Variants in MANSC1 observed in about 807,000 individuals in gnomAD.
MANSC1 encodes the protein MANSC domain containing 1, also known as MANSC domain-containing protein 1.
A neutral mutation model predicts 14.1 loss-of-function variants in MANSC1; 13 were observed. The ratio of observed to expected loss-of-function variants is 0.92; its 90% CI spans 0.60 to 1.46. MANSC1 has a LOEUF of 1.46. Among genes scored for constraint, MANSC1 ranks in the 40% most tolerant of loss-of-function variants. MANSC1 has a pLI of 0.00. For synonymous variants in MANSC1, 227 were observed against 200.7 expected (o/e 1.13, Z -1.11); for missense variants, 486 against 511.4 (o/e 0.95, Z 0.48).
rs370899713 is a variant in MANSC1 at position 12,335,343 on chromosome 12, T to C, written c.364+3077A>G. Among the ~76,000 whole-genome samples the C allele has an allele frequency of 1.2e-3, 181 of 151,526 alleles. No homozygotes were observed. The Middle Eastern group carries it at 0.027, about 23-fold the overall frequency. Reference sequence around the variant, plus strand: ...CGGTGAGCTTTGAGAAATCACCTTTTTTTTTTCTTCTCCCCGAGACAGAGT... The same window carrying C: ...CGGTGAGCTTTGAGAAATCACCTTTCTTTTTTCTTCTCCCCGAGACAGAGT... On this transcript the variant is annotated intron_variant, in intron 3 of 3. Transcript: ENST00000535902.
In MANSC1 at chr12:12,327,502, A is replaced by G. The variant is rs1280099121; in HGVS notation, c.*2525T>C. 6.6e-6 allele frequency: 1 copy of G among 152,240 alleles called. No individual in the cohort carries two copies. The highest frequency in any genetic ancestry group is 1.5e-5 in the Non-Finnish European group (1 of 68,058). The allele number at this position is 152,240 out of a possible 1,614,324, so 9.4% of individuals were successfully genotyped here. A position where few individuals can be genotyped will look rare whatever the true frequency, so the allele number is the denominator to read the frequency against. On this transcript the variant is annotated 3_prime_UTR_variant, in exon 4 of 4. Coordinates refer to ENST00000535902, the MANE Select transcript of MANSC1 (RefSeq NM_018050.4). ...GCTCCCATGTGGTCTCCCCATCACAACAAAGACTGCAGCAAGGTGGACAGA... is the reference window on the plus strand; with the variant it reads ...GCTCCCATGTGGTCTCCCCATCACAGCAAAGACTGCAGCAAGGTGGACAGA...
intron 2 of MANSC1, chr12:12,338,912 C>CACACACACACACACAG: frequency 3.5e-6 from 1 of 288,182 alleles, no homozygotes; most frequent in Non-Finnish European, 6.6e-6. Flanking sequence ...CACACACACA[C>CACACACACACACACAG]ACACACCCCT....
At chr12:12,336,224 ACT>A (rs1241166733) in intron 3 of MANSC1, among the ~76,000 whole-genome samples, 4 of 151,928 alleles carry the variant, frequency 2.6e-5, no homozygotes, top group African/African-American at 4.8e-5. Context: ...TTTGCATATC[ACT>A]CTCTGCGTAT....
intron 3 of MANSC1, among the ~76,000 whole-genome samples, chr12:12,337,581 C>G (rs956882727): frequency 1.3e-5 from 2 of 152,020 alleles, no homozygotes; most frequent in African/African-American, 4.8e-5. Flanking sequence ...AACAAACAAG[C>G]AACAACAACA....
At chr12:12,331,594 T>C (rs1490745119) in intron 3 of MANSC1, among the ~76,000 whole-genome samples, 4 of 151,916 alleles carry the variant, frequency 2.6e-5, no homozygotes, top group Non-Finnish European at 5.9e-5. Flanking sequence ...CAAGTAATCA[T>C]CAGGAGAGAT....
At chr12:12,340,035 C>T (rs767531444) in intron 2 of MANSC1, among the ~76,000 whole-genome samples, 3 of 152,088 alleles carry the variant, frequency 2.0e-5, no homozygotes, top group Non-Finnish European at 4.4e-5. Flanking sequence ...TGATCTTGAA[C>T]TCTTGGGCTC....
chr12:12,343,038 T>A, intron 2 of MANSC1, 54 bp downstream of exon 2: 1 of 1,273,962 alleles, frequency 7.8e-7, no homozygotes, highest in Non-Finnish European at 1.1e-6. Flanking sequence ...ATCCCCCAGC[T>A]CCTGAAGCCA....
At position 12,330,851 on chromosome 12, in the gene MANSC1, T is replaced by A; in HGVS notation, c.472A>T (p.Thr158Ser). 7.4e-6 allele frequency: 12 copies of A among 1,613,928 alleles called. No individual in the cohort carries two copies. The highest frequency in any genetic ancestry group is 1.0e-5 in the Non-Finnish European group (12 of 1,179,926). ...QAVTPLAHHH[T>S]DYSKPTDISW... ...ATATCGGTGGGCTTTGAATAATCTG[T>A]GTGATGATGGGCTAGGGGAGTGACT... Residue 158 changes from threonine to serine, a missense_variant, in exon 4 of 4, where the codon ACA (threonine) becomes TCA (serine). Transcript: ENST00000535902.
rs1592033137 is a variant in MANSC1, at chr12:12,338,481, G to A, written c.303C>T (p.Pro101=). The part of the protein sequence containing the change: ...RQPNCYLFFC[P]NEEACPLKPA... ...GTTTCAATGGACAGGCTTCCTCGTTGGGACAGAAAAATAGGTAGCAGTTGG... is the reference window on the plus strand; with the variant it reads ...GTTTCAATGGACAGGCTTCCTCGTTAGGACAGAAAAATAGGTAGCAGTTGG... Residue 101 remains proline (P), a synonymous_variant, in exon 3 of 4, where the codon CCC becomes CCT. Transcript: ENST00000535902. 6.2e-7 allele frequency: 1 copy of A among 1,613,174 alleles called. No individual in the cohort carries two copies. The highest frequency in any genetic ancestry group is 1.3e-5 in the African/African-American group (1 of 74,946).
At chr12:12,338,320 C>A in intron 3 of MANSC1, 100 bp downstream of exon 3, 1 of 1,051,606 alleles carries the variant, frequency 9.5e-7, no homozygotes, top group East Asian at 2.7e-5. Flanking sequence ...GTCTGGTACC[C>A]CTTCTGGTAG....
At position 12,330,567 on chromosome 12, in the gene MANSC1, A is replaced by G. The variant is rs2135987410; in HGVS notation, c.756T>C (p.Ala252=). Residue 252 remains alanine, a synonymous_variant, in exon 4 of 4, where the codon GCT becomes GCC. Transcript: ENST00000535902. ...PKPATLLPTN[A]SVTPSGTSQP... ...GGGAAGTCCCAGAAGGTGTCACTGA[A>G]GCATTGGTGGGTAGAAGGGTGGCGG... The G allele has an allele frequency of 1.2e-6, 2 of 1,614,182 alleles. No individual in the cohort carries two copies. The highest frequency in any genetic ancestry group is 2.2e-5 in the East Asian group (1 of 44,882).
At position 12,350,192 on chromosome 12, in the gene MANSC1, G is replaced by A. The variant is rs764583241; in HGVS notation, c.-215C>T. The A allele has an allele frequency of 2.0e-5, 3 of 152,338 alleles. No homozygotes were observed. The highest frequency in any genetic ancestry group is 4.1e-4 in the South Asian group (2 of 4,830). 9.4% of individuals were successfully genotyped at this position (152,338 alleles called of 1,614,324 possible). ...CGGGGGTCTCGGCGAGGACCGCAGC[G>A]GATGCTCCGCAGCTCCCGCACCGGC... On this transcript the variant is annotated 5_prime_UTR_variant, in exon 1 of 4. Coordinates refer to ENST00000535902, the MANE Select transcript of MANSC1 (RefSeq NM_018050.4).
chr12:12,349,649 G>A (rs774422929), intron 1 of MANSC1, among the ~76,000 whole-genome samples: 8 of 152,130 alleles, frequency 5.3e-5, no homozygotes, highest in Non-Finnish European at 1.0e-4. Context: ...ATTGGAAATC[G>A]TCTTACAGCA....
Position 12,329,947 on chromosome 12 carries a change from TAAGACTAGC to T in MANSC1, c.*71_*79del. On this transcript the variant is annotated 3_prime_UTR_variant, in exon 4 of 4. Coordinates refer to ENST00000535902, the MANE Select transcript of MANSC1 (RefSeq NM_018050.4). The stretch of plus-strand genomic sequence containing the variant: ...CTGTCTTCAAAATACAACCTCCTGC[TAAGACTAGC>T]AAGTCAGCAGAAACTCATTGCATTT... 8.2e-7 allele frequency: 1 copy of T among 1,212,180 alleles called. No homozygotes were observed. Among genetic ancestry groups the T allele is most frequent in the Non-Finnish European group, 1.2e-6 (1 of 865,126 alleles). 75.1% of individuals were successfully genotyped at this position (1,212,180 alleles called of 1,614,324 possible).
At chr12:12,339,427 C>T (rs190308350) in intron 2 of MANSC1, among the ~76,000 whole-genome samples, 61 of 152,164 alleles carry the variant, frequency 4.0e-4, no homozygotes, top group African/African-American at 1.4e-3. Flanking sequence ...CCACCACACT[C>T]GGATTTTTTT....
At chr12:12,343,025 C>T (rs3741800) in intron 2 of MANSC1, 67 bp downstream of exon 2, 556,084 of 1,094,146 alleles carry the variant, frequency 0.51, 148,398 homozygotes, top group Middle Eastern at 0.59. Context: ...GTTATTCAGC[C>T]ACATCCCCCA....
In MANSC1 at chr12:12,330,143, C is replaced by T; in HGVS notation, c.1180G>A (p.Val394Ile). ...WLLIGSLLFG[V>I]LFLVIGLVLL... ...ACGAGGCCTATCACCAGGAACAGGA[C>T]ACCAAAGAGCAGGGACCCGATAAGA... is the stretch of plus-strand genomic sequence containing the variant. The change falls in exon 4 of 4, where the codon GTC becomes ATC. Residue 394 changes from valine to isoleucine, a missense_variant. Transcript: ENST00000535902. The T allele has an allele frequency of 6.2e-7, 1 of 1,614,124 alleles. No homozygotes were observed. The highest frequency in any genetic ancestry group is 8.5e-7 in the Non-Finnish European group (1 of 1,180,022).
intron 2 of MANSC1, 36 bp downstream of exon 2, chr12:12,343,056 C>G: frequency 6.7e-7 from 1 of 1,482,154 alleles, no homozygotes; most frequent in Non-Finnish European, 9.4e-7. Flanking sequence ...CCACAAAACA[C>G]ATGGAACAAA....
rs963475857 is a variant in MANSC1 at position 12,328,979 on chromosome 12, C to T, written c.*1048G>A. ...CTCTAGCCTGGGTGACAGAGCAAGA[C>T]TCTGTCACACACACACACACACACA... is the stretch of plus-strand genomic sequence containing the variant. On this transcript the variant is annotated 3_prime_UTR_variant, in exon 4 of 4. Transcript: ENST00000535902. The T allele has an allele frequency of 7.6e-6, 1 of 132,424 alleles. No individual in the cohort carries two copies. The highest frequency in any genetic ancestry group is 1.5e-5 in the Non-Finnish European group (1 of 64,614). 8.2% of individuals were successfully genotyped at this position (132,424 alleles called of 1,614,324 possible).
Sources: allele counts gnomAD v4.1 joint callset (sites outside exome capture counted in the v4.1 genomes callset), GRCh38; gene constraint gnomAD v4.1.1; transcripts MANE v1.5; gene names NCBI Gene and HGNC (gene_info 2026-07-23, HGNC 2026-07-21).